TMC7: variants seen among roughly 807,000 people sequenced by gnomAD.
The protein encoded by TMC7 is transmembrane channel-like protein 7.
Under a neutral mutation model 82.9 loss-of-function variants are expected in TMC7, and 54 were observed. The ratio of observed to expected loss-of-function variants is 0.65; its 90% CI spans 0.52 to 0.82. The LOEUF is 0.82. Among genes scored for constraint, TMC7 ranks in the 40% least tolerant of loss-of-function variants. The pLI is 0.00. For synonymous variants in TMC7, 350 were observed against 337.9 expected (o/e 1.04, Z -0.39); for missense variants, 820 against 901.2 (o/e 0.91, Z 1.15).
Position 19,056,814 on chromosome 16 carries a change from A to G in TMC7, c.2027+117A>G, listed in dbSNP as rs1429373943. 4 of 1,197,690 alleles carry G rather than the reference A, an allele frequency of 3.3e-6. No individual in the cohort carries two copies. The African/African-American group carries it at 4.5e-5, about 14-fold the overall frequency. 74.2% of individuals were successfully genotyped at this position (1,197,690 alleles called of 1,614,324 possible). ...AAGTTACTGAGCTTCTTTGAACTGCACTTTCCCATCTCTAAAATGGGCATA... is the reference window on the plus strand; with the variant it reads ...AAGTTACTGAGCTTCTTTGAACTGCGCTTTCCCATCTCTAAAATGGGCATA... On this transcript the variant is annotated intron_variant, in intron 14 of 15. Coordinates refer to ENST00000304381, the MANE Select transcript of TMC7 (RefSeq NM_024847.4).
At chr16:19,035,868 G>A (rs763653909) in intron 7 of TMC7, 45 bp downstream of exon 7, 2 of 1,525,446 alleles carry the variant, frequency 1.3e-6, no homozygotes, top group Non-Finnish European at 1.8e-6. Flanking sequence ...TCACCAGCAA[G>A]GTCCTGCCTT....
rs777137891 is a variant in TMC7 at position 19,037,892 on chromosome 16, AG to A, written c.1025del (p.Arg342LysfsTer6). 3.7e-6 allele frequency: 6 copies of A among 1,613,360 alleles called. No homozygotes were observed. Among genetic ancestry groups the A allele is most frequent in the Non-Finnish European group, 5.1e-6 (6 of 1,179,836 alleles). ...TCTTCAGGCAGATCTGGAGGAAGAA[AG>A]AATGCGGCAGAAAATAGCAGAAAGG... ...YELRADLEEERMRQKIAERTS... is the reference protein window; with the variant it reads ...YELRADLEEEXMRQKIAERTS... On this transcript the variant is annotated frameshift_variant, in exon 8 of 16. Transcript: ENST00000304381. LOFTEE classifies it high-confidence loss of function.
intron 6 of TMC7, among the ~76,000 whole-genome samples, chr16:19,031,211 A>G (rs1331358697): frequency 6.6e-6 from 1 of 152,184 alleles, no homozygotes; most frequent in Non-Finnish European, 1.5e-5. Flanking sequence ...TCACAGGTGC[A>G]GAAATCCTTA....
At chr16:19,004,749 T>G (rs1420024518) in intron 1 of TMC7, among the ~76,000 whole-genome samples, 3 of 152,240 alleles carry the variant, frequency 2.0e-5, no homozygotes, top group African/African-American at 7.2e-5. Context: ...CTTTGGGGTC[T>G]GATAAACCTG....
chr16:19,024,778 G>T (rs1273172631), intron 5 of TMC7, among the ~76,000 whole-genome samples: 1 of 152,006 alleles, frequency 6.6e-6, no homozygotes, highest in East Asian at 1.9e-4. Context: ...AGGCCGAGGT[G>T]GGTGGGTCAC....
intron 12 of TMC7, among the ~76,000 whole-genome samples, chr16:19,051,396 T>TC (rs1367856853): frequency 1.5e-5 from 2 of 134,882 alleles, no homozygotes; most frequent in Non-Finnish European, 3.2e-5. Flanking sequence ...ATGCTATCCC[T>TC]CCCCCCTCCC....
At position 19,063,226 on chromosome 16, in the gene TMC7, G is replaced by A. The variant is rs984198448; in HGVS notation, c.*1383G>A. The A allele has an allele frequency of 6.6e-6, 1 of 152,088 alleles. No homozygotes were observed. Among genetic ancestry groups the A allele is most frequent in the Non-Finnish European group, 1.5e-5 (1 of 68,020 alleles). The allele number at this position is 152,088 out of a possible 1,614,324, so 9.4% of individuals were successfully genotyped here. ...CTAATAACTGGTGTCATGGAATTTT[G>A]AGTAACCAAAGATTCATTCCAGTCT... is the stretch of plus-strand genomic sequence containing the variant. On this transcript the variant is annotated 3_prime_UTR_variant, in exon 16 of 16. Coordinates refer to ENST00000304381, the MANE Select transcript of TMC7 (RefSeq NM_024847.4).
chr16:19,024,437 G>C (rs370571189), intron 5 of TMC7, among the ~76,000 whole-genome samples: 1 of 151,720 alleles, frequency 6.6e-6, no homozygotes, highest in East Asian at 1.9e-4. Flanking sequence ...CAGATTTTGT[G>C]GTTTTTCATT....
In TMC7 at chr16:19,061,853, G is replaced by A. The variant is rs1962025693; in HGVS notation, c.*10G>A. 3.1e-6 allele frequency: 5 copies of A among 1,612,126 alleles called. No homozygotes were observed. The highest frequency in any genetic ancestry group is 3.4e-6 in the Non-Finnish European group (4 of 1,178,796). ...GGACATGAGGAACTAACTAGACTGA[G>A]CGTGAAGATGGTGCTGCCTGTTGCT... is the stretch of plus-strand genomic sequence containing the variant. On this transcript the variant is annotated 3_prime_UTR_variant, in exon 16 of 16. Coordinates refer to ENST00000304381, the MANE Select transcript of TMC7 (RefSeq NM_024847.4).
chr16:19,003,382 AGCC>A (rs1567504261), intron 1 of TMC7, among the ~76,000 whole-genome samples: 1 of 149,962 alleles, frequency 6.7e-6, no homozygotes, highest in Non-Finnish European at 1.5e-5. Flanking sequence ...CTGCCCGGCC[AGCC>A]GCCCCGTCCG....
intron 6 of TMC7, 112 bp downstream of exon 6, chr16:19,030,481 G>C: frequency 7.9e-7 from 1 of 1,270,942 alleles, no homozygotes; most frequent in Non-Finnish European, 1.1e-6. Context: ...CCAATGATGG[G>C]TTTTGTGGGG....
intron 5 of TMC7, among the ~76,000 whole-genome samples, chr16:19,026,242 C>T (rs974894088): frequency 6.6e-5 from 10 of 151,604 alleles, no homozygotes; most frequent in Admixed American, 2.0e-4. Context: ...TTTGGGAGGC[C>T]GAGGCGGGTG....
chr16:18,996,442 T>A lies in TMC7; in HGVS notation c.67+12312T>A, dbSNP rs558965938. ...TCTAGATCTTGTAGGAATTTGCCCATTTTTCGACAAAAACTATCTAGATCT... is the reference window on the plus strand; with the variant it reads ...TCTAGATCTTGTAGGAATTTGCCCAATTTTCGACAAAAACTATCTAGATCT... On this transcript the variant is annotated intron_variant, in intron 1 of 15. Transcript: ENST00000304381. Among the ~76,000 whole-genome samples the A allele has an allele frequency of 5.2e-3, 799 of 152,260 alleles. 12 individuals carry two copies. Among genetic ancestry groups the A allele is most frequent in the African/African-American group, 0.018 (747 of 41,550 alleles).
rs1410195177 is a variant in TMC7 at position 19,023,143 on chromosome 16, G to A, written c.659G>A (p.Ser220Asn). The change falls in exon 5 of 16, where the codon AGT (serine) becomes AAT (asparagine). Residue 220 changes from serine (S) to asparagine (N), a missense_variant. Physicochemically the swap from Ser to Asn is conservative, Grantham distance 46 (BLOSUM62 1). Coordinates refer to ENST00000304381, the MANE Select transcript of TMC7 (RefSeq NM_024847.4). Reference sequence around the variant, plus strand: ...CAATGTACAGTCTATCCAGTAAGCAGTTCTGGACTCATTTACTTTTACAGT... The same window carrying A: ...CAATGTACAGTCTATCCAGTAAGCAATTCTGGACTCATTTACTTTTACAGT... ...DKQCTVYPVSSSGLIYFYSYI... is the reference protein window; with the variant it reads ...DKQCTVYPVSNSGLIYFYSYI... 1.9e-6 allele frequency: 3 copies of A among 1,610,070 alleles called. No individual in the cohort carries two copies. The Admixed American group carries it at 5.0e-5, about 27-fold the overall frequency.
chr16:19,009,946 A>G (rs1293287218), intron 2 of TMC7, among the ~76,000 whole-genome samples: 1 of 150,902 alleles, frequency 6.6e-6, no homozygotes, highest in Admixed American at 6.6e-5. Flanking sequence ...AGCTCAAAAA[A>G]AAAAAAAAAA....
chr16:19,048,713 G>A (rs1040605608), intron 12 of TMC7, among the ~76,000 whole-genome samples: 1 of 152,104 alleles, frequency 6.6e-6, no homozygotes. Context: ...GAGCCACTGC[G>A]CCCAGCCTCT....
chr16:19,006,908 C>T (rs1181114171), intron 1 of TMC7, among the ~76,000 whole-genome samples: 1 of 152,138 alleles, frequency 6.6e-6, no homozygotes, highest in Non-Finnish European at 1.5e-5. Context: ...CCTCTGCCTC[C>T]CAGGTTCAAG....
intron 15 of TMC7, 86 bp from the exon 16 acceptor site, chr16:19,061,692 A>G: frequency 8.7e-7 from 1 of 1,148,236 alleles, no homozygotes; most frequent in Non-Finnish European, 1.3e-6. Context: ...TCCAGTGGTT[A>G]GAATCCTCAG....
At chr16:19,029,865 A>C (rs1960427578) in intron 5 of TMC7, among the ~76,000 whole-genome samples, 1 of 152,038 alleles carries the variant, frequency 6.6e-6, no homozygotes, top group Non-Finnish European at 1.5e-5. Context: ...GGCGCGCAAC[A>C]CCAGGCCCAG....
Sources: gnomAD v4.1 joint callset for allele counts (sites outside exome capture counted in the v4.1 genomes callset) on GRCh38, gnomAD v4.1.1 for gene constraint, MANE v1.5 for transcripts, NCBI Gene and HGNC (gene_info 2026-07-23, HGNC 2026-07-21) for gene names.